Variants in NPAS2 observed in about 807,000 individuals in gnomAD.
NPAS2 encodes the protein neuronal PAS domain protein 2.
In NPAS2, 23 loss-of-function variants were observed where a neutral mutation model predicts 107.5. The observed-to-expected ratio is 0.21, with a 90% CI of 0.15 to 0.30. The LOEUF (loss-of-function observed/expected upper bound fraction) is 0.30. Among genes scored for constraint, NPAS2 ranks in the 10% least tolerant of loss-of-function variants. The pLI is 1.00. For synonymous variants in NPAS2, 403 were observed against 417.5 expected (o/e 0.97, Z 0.42); for missense variants, 756 against 1,043.3 (o/e 0.72, Z 3.79).
At chr2:100,847,713 G>A (rs4377354) in intron 1 of NPAS2, among the ~76,000 whole-genome samples, 112,541 of 151,846 alleles carry the variant, frequency 0.74, 42,093 homozygotes, top group African/African-American at 0.81. Context: ...TGGGGAACCC[G>A]GCAAGGTGTG....
chr2:100,971,699 C>T (rs2105201176), intron 12 of NPAS2, among the ~76,000 whole-genome samples: 1 of 152,222 alleles, frequency 6.6e-6, no homozygotes, highest in South Asian at 2.1e-4. Flanking sequence ...TCCTTCCTTC[C>T]ACACACTGAG....
At chr2:100,870,690 C>T (rs1039980117) in intron 1 of NPAS2, among the ~76,000 whole-genome samples, 1 of 152,212 alleles carries the variant, frequency 6.6e-6, no homozygotes, top group East Asian at 1.9e-4. Context: ...CCACTCCCAG[C>T]CTTCTCTGCT....
chr2:100,906,188 G>T (rs1573591131), intron 2 of NPAS2, among the ~76,000 whole-genome samples: 1 of 152,294 alleles, frequency 6.6e-6, no homozygotes, highest in African/African-American at 2.4e-5. Flanking sequence ...CCTTTACTTG[G>T]CATTGGGACC....
intron 2 of NPAS2, among the ~76,000 whole-genome samples, chr2:100,905,544 C>T (rs1162898366): frequency 6.6e-6 from 1 of 152,100 alleles, no homozygotes; most frequent in Non-Finnish European, 1.5e-5. Flanking sequence ...AAAACGTGAG[C>T]AGGAAGCTCC....
At chr2:100,978,273 G>C (rs1382733235) in intron 15 of NPAS2, among the ~76,000 whole-genome samples, 1 of 152,094 alleles carries the variant, frequency 6.6e-6, no homozygotes, top group East Asian at 1.9e-4. Context: ...TTCCATTTCT[G>C]AGTTGCTTCA....
At chr2:100,836,394 A>G (rs372707303) in intron 1 of NPAS2, among the ~76,000 whole-genome samples, 26 of 152,162 alleles carry the variant, frequency 1.7e-4, no homozygotes, top group Admixed American at 9.8e-4. Context: ...GAATCCTTGA[A>G]TAACATCTGT....
chr2:100,866,519 C>G (rs1679266448), intron 1 of NPAS2, among the ~76,000 whole-genome samples: 1 of 152,190 alleles, frequency 6.6e-6, no homozygotes, highest in African/African-American at 2.4e-5. Context: ...TGGGTGCTTT[C>G]TTTCCAAAAT....
chr2:100,892,443 G>A (rs1459119754), intron 1 of NPAS2, among the ~76,000 whole-genome samples: 1 of 152,018 alleles, frequency 6.6e-6, no homozygotes, highest in Non-Finnish European at 1.5e-5. Context: ...ACTCATGGTA[G>A]CGTTTGCGTA....
intron 15 of NPAS2, among the ~76,000 whole-genome samples, chr2:100,980,938 G>A (rs533094537): frequency 2.6e-5 from 4 of 152,122 alleles, no homozygotes; most frequent in African/African-American, 7.2e-5. Context: ...CCACCATCTC[G>A]CTGTGTGATT....
In NPAS2 at chr2:100,968,461, C is replaced by T; in HGVS notation, c.1055+33C>T. Reference sequence around the variant, plus strand: ...GCACGGGCAGGGGTGCGGCTGCGTCCTTGTCGCACCTGGGGGAGGGGTGCA... The same window carrying T: ...GCACGGGCAGGGGTGCGGCTGCGTCTTTGTCGCACCTGGGGGAGGGGTGCA... On this transcript the variant is annotated intron_variant, in intron 11 of 20. Coordinates refer to ENST00000335681, the MANE Select transcript of NPAS2 (RefSeq NM_002518.4). The surrounding 1 kb of genome is among the most constrained non-coding windows in gnomAD (Gnocchi z 5.3). 6.2e-7 allele frequency: 1 copy of T among 1,602,570 alleles called. No individual in the cohort carries two copies. Among genetic ancestry groups the T allele is most frequent in the Non-Finnish European group, 8.5e-7 (1 of 1,172,056 alleles).
chr2:100,877,340 C>T (rs1258441013), intron 1 of NPAS2, among the ~76,000 whole-genome samples: 1 of 148,646 alleles, frequency 6.7e-6, no homozygotes, highest in Non-Finnish European at 1.5e-5. Context: ...TGGCAGGTGC[C>T]TGTAGTCCCA....
At chr2:100,826,828 C>G (rs1271244514) in intron 1 of NPAS2, among the ~76,000 whole-genome samples, 1 of 152,202 alleles carries the variant, frequency 6.6e-6, no homozygotes, top group African/African-American at 2.4e-5. Context: ...GCCGCCTTGT[C>G]TCCATATCTT....
intron 1 of NPAS2, 30 bp from the exon 2 acceptor site, chr2:100,904,701 ATT>A: frequency 1.4e-6 from 2 of 1,393,426 alleles, no homozygotes; most frequent in Admixed American, 2.0e-5. Context: ...GTAATTATCC[ATT>A]CTTTTTAATT....
chr2:100,904,099 G>A (rs1191253193), intron 1 of NPAS2, among the ~76,000 whole-genome samples: 1 of 152,158 alleles, frequency 6.6e-6, no homozygotes, highest in Non-Finnish European at 1.5e-5. Context: ...CTCCTTTGGG[G>A]CTGATTCTTC....
At chr2:100,923,542 C>T (rs1264181748) in intron 2 of NPAS2, among the ~76,000 whole-genome samples, 1 of 152,136 alleles carries the variant, frequency 6.6e-6, no homozygotes, top group African/African-American at 2.4e-5. Flanking sequence ...ACACCTGCTC[C>T]AAGGGAGGTG....
At position 100,902,996 on chromosome 2, in the gene NPAS2, A is replaced by G. The variant is rs149230354; in HGVS notation, c.-22-1737A>G. 4.4e-3 allele frequency among the ~76,000 whole-genome samples: 672 copies of G among 152,358 alleles called. 12 individuals carry two copies. The highest frequency in any genetic ancestry group is 0.015 in the East Asian group (78 of 5,184). Reference sequence around the variant, plus strand: ...TGTCTGCGGGATAAACATACAAATCACAGAAGATGTGGTTGATAAAGAAGA... The same window carrying G: ...TGTCTGCGGGATAAACATACAAATCGCAGAAGATGTGGTTGATAAAGAAGA... On this transcript the variant is annotated intron_variant, in intron 1 of 20. Transcript: ENST00000335681.
intron 1 of NPAS2, among the ~76,000 whole-genome samples, chr2:100,856,985 C>T (rs1233002539): frequency 6.6e-6 from 1 of 152,118 alleles, no homozygotes; most frequent in African/African-American, 2.4e-5. Flanking sequence ...ATGGATAGGA[C>T]AGGCTGTCCA....
At chr2:100,993,261 T>C (rs1678242683) in intron 19 of NPAS2, 86 bp from the exon 20 acceptor site, 13 of 1,328,738 alleles carry the variant, frequency 9.8e-6, no homozygotes, top group East Asian at 7.6e-5. Context: ...CCAACTTATT[T>C]GTTTTTTCTT....
chr2:100,829,293 C>T (rs1676585590), intron 1 of NPAS2, among the ~76,000 whole-genome samples: 1 of 151,642 alleles, frequency 6.6e-6, no homozygotes, highest in Non-Finnish European at 1.5e-5. Flanking sequence ...GTTGGGACTA[C>T]AGGCACGCAC....
Sources: gnomAD v4.1 joint callset for allele counts (sites outside exome capture counted in the v4.1 genomes callset) on GRCh38, gnomAD v4.1.1 for gene constraint, Gnocchi (gnomAD v3.1) non-coding constraint, MANE v1.5 for transcripts, NCBI Gene and HGNC (gene_info 2026-07-23, HGNC 2026-07-21) for gene names.